Variants in RANBP2 observed in about 807,000 individuals in gnomAD.
RANBP2 encodes RAN binding protein 2, also known as E3 SUMO-protein ligase RanBP2.
RANBP2 carries 57 observed loss-of-function variants against 303.6 expected under a neutral mutation model. That is an observed-to-expected ratio of 0.19 (90% CI 0.15 to 0.23). RANBP2 has a LOEUF of 0.23. Ranked by LOEUF, RANBP2 falls within the 10% of genes least tolerant of loss-of-function variation. The pLI is 1.00. For missense variants in RANBP2, 3,138 were observed against 3,780.8 expected, an observed-to-expected ratio of 0.83 and a Z score of 4.46; for synonymous variants, 1,167 against 1,301.5, an observed-to-expected ratio of 0.90 and a Z score of 2.23.
At chr2:108,720,708 A>G (rs764977888) in intron 1 of RANBP2, among the ~76,000 whole-genome samples, 89 of 152,362 alleles carry the variant, frequency 5.8e-4, no homozygotes, top group Admixed American at 1.3e-3. Flanking sequence ...TGCTTGACAC[A>G]TAGCACTAAA....
the RANBP2 span, among the ~76,000 whole-genome samples, chr2:109,668,759 T>C: frequency 6.6e-6 from 1 of 152,174 alleles, no homozygotes; most frequent in Non-Finnish European, 1.5e-5. Context: ...TGAAAATAAA[T>C]GTCAAAGCAA....
At chr2:108,985,299 G>A in the RANBP2 span, among the ~76,000 whole-genome samples, 2,264 of 152,282 alleles carry the variant, frequency 0.015, 69 homozygotes, top group African/African-American at 0.052. Flanking sequence ...CGTGACTGTG[G>A]TTGTTATTGC....
At chr2:109,253,913 T>C in the RANBP2 span, among the ~76,000 whole-genome samples, 5 of 152,134 alleles carry the variant, frequency 3.3e-5, no homozygotes, top group Non-Finnish European at 7.4e-5. Flanking sequence ...TCTAAAAGCA[T>C]GGAAGTCTTT....
the RANBP2 span, among the ~76,000 whole-genome samples, chr2:108,934,649 G>A: frequency 1.3e-5 from 2 of 152,260 alleles, no homozygotes; most frequent in South Asian, 2.1e-4. Context: ...TCATAATATG[G>A]CAGAGGGCAT....
chr2:109,597,149 C>G, the RANBP2 span, among the ~76,000 whole-genome samples: 10 of 152,090 alleles, frequency 6.6e-5, no homozygotes, highest in Non-Finnish European at 1.2e-4. Flanking sequence ...CTCTGTTGCC[C>G]AGGCTGGTCT....
the RANBP2 span, among the ~76,000 whole-genome samples, chr2:109,200,955 C>A: frequency 2.2e-4 from 34 of 152,166 alleles, no homozygotes; most frequent in Non-Finnish European, 3.8e-4. Context: ...TGGCCCGGGG[C>A]CCACCCACAC....
At chr2:109,654,471 A>G in the RANBP2 span, among the ~76,000 whole-genome samples, 1 of 151,970 alleles carries the variant, frequency 6.6e-6, no homozygotes, top group African/African-American at 2.4e-5. Context: ...TCTCTAGTAC[A>G]TGAAGAAGCC....
the RANBP2 span, among the ~76,000 whole-genome samples, chr2:109,232,236 A>G: frequency 3.9e-5 from 6 of 152,250 alleles, no homozygotes; most frequent in African/African-American, 1.4e-4. Flanking sequence ...ACCCAACAAC[A>G]TAGGAGAATT....
At chr2:109,133,080 T>C in the RANBP2 span, among the ~76,000 whole-genome samples, 1 of 152,218 alleles carries the variant, frequency 6.6e-6, no homozygotes, top group African/African-American at 2.4e-5. Flanking sequence ...TGGATGGAGC[T>C]GACAGTAGAG....
chr2:109,077,146 T>C, the RANBP2 span, among the ~76,000 whole-genome samples: 3 of 150,354 alleles, frequency 2.0e-5, no homozygotes, highest in Admixed American at 6.6e-5. Context: ...GGAAAGATAG[T>C]CTAAATAAAT....
chr2:109,464,638 G>T, the RANBP2 span, among the ~76,000 whole-genome samples: 1 of 152,184 alleles, frequency 6.6e-6, no homozygotes, highest in Non-Finnish European at 1.5e-5. Flanking sequence ...ATCCTTCCAA[G>T]ACTTTTTTTA....
chr2:109,345,600 G>A, the RANBP2 span, among the ~76,000 whole-genome samples: 2 of 152,150 alleles, frequency 1.3e-5, no homozygotes, highest in Non-Finnish European at 2.9e-5. Flanking sequence ...TTCAGAGCAT[G>A]TTCTTTTCTT....
chr2:109,166,495 C>T, the RANBP2 span, among the ~76,000 whole-genome samples: 5 of 151,236 alleles, frequency 3.3e-5, no homozygotes, highest in Non-Finnish European at 7.4e-5. Context: ...TGCCCTTCAC[C>T]TCTATGTCAA....
At chr2:109,123,540 T>C in the RANBP2 span, among the ~76,000 whole-genome samples, 1 of 152,238 alleles carries the variant, frequency 6.6e-6, no homozygotes, top group Non-Finnish European at 1.5e-5. Context: ...TCTGGTCTTA[T>C]TCATGAGCTC....
At chr2:108,950,423 A>G in the RANBP2 span, among the ~76,000 whole-genome samples, 1 of 151,892 alleles carries the variant, frequency 6.6e-6, no homozygotes, top group Non-Finnish European at 1.5e-5. Context: ...GCTAATTTAG[A>G]TGTGATGTCT....
chr2:108,864,663 C>T, the RANBP2 span, among the ~76,000 whole-genome samples: 1 of 151,938 alleles, frequency 6.6e-6, no homozygotes, highest in Non-Finnish European at 1.5e-5. Flanking sequence ...GCGTGGTGGC[C>T]CACGCCTGTA....
downstream of RANBP2, among the ~76,000 whole-genome samples, chr2:108,790,096 A>G (rs934744374): frequency 1.3e-5 from 2 of 152,164 alleles, no homozygotes; most frequent in South Asian, 2.1e-4. Context: ...TAATCTGTGT[A>G]ACACACTTTG....
chr2:109,475,931 C>A, the RANBP2 span, among the ~76,000 whole-genome samples: 1 of 152,106 alleles, frequency 6.6e-6, no homozygotes, highest in African/African-American at 2.4e-5. Flanking sequence ...ACAAAAGAGC[C>A]CTAGGCCAAC....
At chr2:109,564,366 C>A in the RANBP2 span, 2 of 1,551,010 alleles carry the variant, frequency 1.3e-6, no homozygotes, top group Non-Finnish European at 1.7e-6. Flanking sequence ...CCCACCCTAC[C>A]TGACTGGCTT....
Sources: allele counts gnomAD v4.1 joint callset (sites outside exome capture counted in the v4.1 genomes callset), GRCh38; gene constraint gnomAD v4.1.1; transcripts MANE v1.5; gene names NCBI Gene and HGNC (gene_info 2026-07-23, HGNC 2026-07-21).